The following TRMT11 variants were observed in gnomAD, a reference collection of about 807,000 sequenced individuals.
TRMT11 encodes the protein tRNA methyltransferase 11.
In TRMT11, 53 loss-of-function variants were observed where a neutral mutation model predicts 62.8. That is an observed-to-expected ratio of 0.84 (90% CI 0.68 to 1.06). The LOEUF (loss-of-function observed/expected upper bound fraction) is 1.06. Ranked by LOEUF, TRMT11 falls within the 50% of genes least tolerant of loss-of-function variation. TRMT11 has a pLI of 0.00. For synonymous variants in TRMT11, 188 were observed against 190.3 expected, an observed-to-expected ratio of 0.99 and a Z score of 0.10; for missense variants, 556 against 553.4, an observed-to-expected ratio of 1.00 and a Z score of -0.05.
In TRMT11 at chr6:125,989,172, A is replaced by G. The variant is rs555329548; in HGVS notation, c.72+2550A>G. Among the ~76,000 whole-genome samples the G allele has an allele frequency of 5.5e-5, 7 of 127,114 alleles. No individual in the cohort carries two copies. The East Asian group carries it at 1.6e-3, about 30-fold the overall frequency. The allele number at this position is 127,114 out of a possible 152,430, so 83.4% of individuals were successfully genotyped here. ...TGAGACGGAGTCTCGCTCTGTTGCC[A>G]GGCTGGAGTGCAGTGGCGCGGTCTC... On this transcript the variant is annotated intron_variant, in intron 1 of 12. Coordinates refer to ENST00000334379, the MANE Select transcript of TRMT11 (RefSeq NM_001031712.3).
In TRMT11 at chr6:126,000,062, T is replaced by C. The variant is rs1409132023; in HGVS notation, c.679+449T>C. ...GATGGAGAAAATAGTTAATATATCCTATCTTTGAGTTGGTTTATGGAGGTT... is the reference window on the plus strand; with the variant it reads ...GATGGAGAAAATAGTTAATATATCCCATCTTTGAGTTGGTTTATGGAGGTT... On this transcript the variant is annotated intron_variant, in intron 7 of 12. Transcript: ENST00000334379. 3.3e-5 allele frequency among the ~76,000 whole-genome samples: 5 copies of C among 152,268 alleles called. No homozygotes were observed. In the East Asian group the frequency reaches 9.6e-4, roughly 29 times the overall value.
chr6:126,053,178 A>G (rs1562307684), exon 17 of TRMT11, among the ~76,000 whole-genome samples: 1 of 152,114 alleles, frequency 6.6e-6, no homozygotes, highest in Non-Finnish European at 1.5e-5. Context: ...TGGCGGTGGT[A>G]TGAAACAAAG....
downstream of TRMT11, among the ~76,000 whole-genome samples, chr6:126,206,405 C>T (rs1262268899): frequency 6.6e-5 from 10 of 152,196 alleles, no homozygotes; most frequent in Non-Finnish European, 1.3e-4. Flanking sequence ...ACAAGTTCCC[C>T]GGTTATGTCA....
intron 21 of TRMT11, among the ~76,000 whole-genome samples, chr6:126,170,706 C>T (rs1225054614): frequency 6.6e-6 from 1 of 152,258 alleles, no homozygotes; most frequent in Middle Eastern, 3.4e-3. Context: ...TCCCGCTGAT[C>T]TGTGCCCTCA....
the TRMT11 span, among the ~76,000 whole-genome samples, chr6:126,223,147 C>A: frequency 1.9e-4 from 29 of 152,214 alleles, no homozygotes; most frequent in African/African-American, 6.7e-4. Context: ...TGAGGCTGGG[C>A]GCAGTGGCTC....
chr6:126,066,160 G>A (rs922085573), intron 17 of TRMT11, among the ~76,000 whole-genome samples: 14 of 152,268 alleles, frequency 9.2e-5, no homozygotes, highest in South Asian at 4.1e-4. Flanking sequence ...CACTTTGAGC[G>A]CCAGGACCAA....
chr6:126,062,152 C>T (rs1776553175), intron 17 of TRMT11, among the ~76,000 whole-genome samples: 1 of 152,196 alleles, frequency 6.6e-6, no homozygotes. Context: ...GCCCAAAGTG[C>T]TGCGATCACA....
chr6:126,220,279 G>C, the TRMT11 span, among the ~76,000 whole-genome samples: 121 of 152,246 alleles, frequency 7.9e-4, no homozygotes, highest in African/African-American at 2.8e-3. Context: ...ACAAAAAATT[G>C]GTCTACTGCA....
At chr6:126,097,832 G>A (rs529277928) in intron 17 of TRMT11, among the ~76,000 whole-genome samples, 191 of 152,152 alleles carry the variant, frequency 1.3e-3, no homozygotes, top group Admixed American at 3.7e-3. Flanking sequence ...GGCTGGGGTT[G>A]TGGGGAGTAG....
At chr6:126,123,520 A>G (rs1325338800) in intron 21 of TRMT11, among the ~76,000 whole-genome samples, 1 of 152,030 alleles carries the variant, frequency 6.6e-6, no homozygotes, top group Non-Finnish European at 1.5e-5. Flanking sequence ...CCTTGACTTC[A>G]CTGGATTTTT....
chr6:126,143,107 A>G (rs919635275), intron 21 of TRMT11, among the ~76,000 whole-genome samples: 2 of 152,140 alleles, frequency 1.3e-5, no homozygotes, highest in African/African-American at 4.8e-5. Context: ...TAATATTTTA[A>G]CACATATTTC....
At chr6:126,183,669 A>G (rs922970164) in intron 1 of TRMT11, among the ~76,000 whole-genome samples, 1 of 152,156 alleles carries the variant, frequency 6.6e-6, no homozygotes, top group Admixed American at 6.5e-5. Context: ...TGATCTGCAG[A>G]GCACCTGCTC....
At chr6:126,167,871 T>G (rs1778286704) in intron 21 of TRMT11, among the ~76,000 whole-genome samples, 1 of 152,228 alleles carries the variant, frequency 6.6e-6, no homozygotes, top group South Asian at 2.1e-4. Flanking sequence ...TGATATTCAC[T>G]GTGACTTTGG....
intron 1 of TRMT11, among the ~76,000 whole-genome samples, chr6:126,185,813 C>T (rs1239236990): frequency 6.6e-6 from 1 of 152,094 alleles, no homozygotes; most frequent in Non-Finnish European, 1.5e-5. Context: ...TGGAAGGCAC[C>T]TCTTCACAAG....
chr6:126,227,554 G>C, the TRMT11 span, among the ~76,000 whole-genome samples: 1 of 152,096 alleles, frequency 6.6e-6, no homozygotes, highest in Non-Finnish European at 1.5e-5. Context: ...TCAGAAAATT[G>C]CCTAAAAAAC....
chr6:126,239,201 A>C, the TRMT11 span, among the ~76,000 whole-genome samples: 5 of 152,238 alleles, frequency 3.3e-5, no homozygotes, highest in East Asian at 9.6e-4. Flanking sequence ...CATTTAGCCT[A>C]TTTACATTTA....
chr6:126,195,569 CATT>C (rs777271410), intron 1 of TRMT11, among the ~76,000 whole-genome samples: 5 of 152,144 alleles, frequency 3.3e-5, no homozygotes, highest in East Asian at 1.9e-4. Context: ...TTTCTGGAAA[CATT>C]GTTGTTTATT....
At chr6:126,035,152 A>C (rs1774940913) in intron 12 of TRMT11, among the ~76,000 whole-genome samples, 2 of 152,138 alleles carry the variant, frequency 1.3e-5, no homozygotes, top group Non-Finnish European at 2.9e-5. Flanking sequence ...TATATTTTAA[A>C]TGTGTATTGT....
chr6:126,205,348 A>G (rs1472407360), downstream of TRMT11, among the ~76,000 whole-genome samples: 1 of 152,164 alleles, frequency 6.6e-6, no homozygotes, highest in East Asian at 1.9e-4. Flanking sequence ...TAATAAAAAT[A>G]CAAAAATTTG....
Sources: allele counts gnomAD v4.1 joint callset (sites outside exome capture counted in the v4.1 genomes callset), GRCh38; gene constraint gnomAD v4.1.1; transcripts MANE v1.5; gene names NCBI Gene and HGNC (gene_info 2026-07-23, HGNC 2026-07-21).